Variants in IFNAR1 observed in about 807,000 individuals in gnomAD.
The protein encoded by IFNAR1 is interferon alpha/beta receptor 1.
IFNAR1 carries 47 observed loss-of-function variants against 62.1 expected under a neutral mutation model. That is an observed-to-expected ratio of 0.76 (90% CI 0.60 to 0.97). IFNAR1 has a LOEUF of 0.97. Among genes scored for constraint, IFNAR1 ranks in the 50% least tolerant of loss-of-function variants. The pLI is 0.00. For synonymous variants in IFNAR1, 219 were observed against 226.9 expected, an observed-to-expected ratio of 0.97 and a Z score of 0.31; for missense variants, 638 against 654.5, an observed-to-expected ratio of 0.97 and a Z score of 0.27.
At chr21:33,325,308 G>A (rs1054280043) in intron 1 of IFNAR1, among the ~76,000 whole-genome samples, 177 bp downstream of exon 1, 7 of 152,184 alleles carry the variant, frequency 4.6e-5, no homozygotes, top group Admixed American at 3.9e-4. Context: ...GGAGAAAGTG[G>A]TGTTCTGGGT....
At chr21:33,344,311 A>T (rs1272363855) in intron 5 of IFNAR1, among the ~76,000 whole-genome samples, 1 of 152,196 alleles carries the variant, frequency 6.6e-6, no homozygotes, top group Non-Finnish European at 1.5e-5. Context: ...TTGTTCAAGA[A>T]AGCATACCTT....
rs1421309883 is a variant in IFNAR1, at chr21:33,357,632, C to T, written c.*2083C>T. ...CCTCGCCTCCCGGGTTCAAGCAATTCTCTGCCGCAGCCTCCAGAGTAGCTG... is the reference window on the plus strand; with the variant it reads ...CCTCGCCTCCCGGGTTCAAGCAATTTTCTGCCGCAGCCTCCAGAGTAGCTG... On this transcript the variant is annotated 3_prime_UTR_variant, in exon 11 of 11. Coordinates refer to ENST00000270139, the MANE Select transcript of IFNAR1 (RefSeq NM_000629.3). The T allele has an allele frequency of 6.6e-6, 1 of 151,364 alleles. No homozygotes were observed. Among genetic ancestry groups the T allele is most frequent in the African/African-American group, 2.4e-5 (1 of 40,958 alleles). 9.4% of individuals were successfully genotyped at this position (151,364 alleles called of 1,614,324 possible).
chr21:33,341,175 G>GT lies in IFNAR1; in HGVS notation c.376+2dup. On this transcript the variant is annotated splice_donor_variant, in intron 3 of 10. Coordinates refer to ENST00000270139, the MANE Select transcript of IFNAR1 (RefSeq NM_000629.3). LOFTEE classifies it high-confidence loss of function. The stretch of plus-strand genomic sequence containing the variant: ...GACTCATTTACACCATTTCGCAAAG[G>GT]TAAGAAAAAGTTGCTAGCTGAATTA... 6.3e-7 allele frequency: 1 copy of GT among 1,599,626 alleles called. No homozygotes were observed. The highest frequency in any genetic ancestry group is 8.5e-7 in the Non-Finnish European group (1 of 1,172,358).
At chr21:33,350,850 A>G (rs759013179) in intron 8 of IFNAR1, among the ~76,000 whole-genome samples, 8 of 152,222 alleles carry the variant, frequency 5.3e-5, no homozygotes, top group South Asian at 2.1e-4. Flanking sequence ...CTAAATTTCT[A>G]TCTCACTGCT....
rs2083452118 is a variant in IFNAR1 at position 33,356,706 on chromosome 21, G to A, written c.*1157G>A. 1 of 152,208 alleles carries A rather than the reference G, an allele frequency of 6.6e-6. No homozygotes were observed. The highest frequency in any genetic ancestry group is 6.5e-5 in the Admixed American group (1 of 15,272). 9.4% of individuals were successfully genotyped at this position (152,208 alleles called of 1,614,324 possible). On this transcript the variant is annotated 3_prime_UTR_variant, in exon 11 of 11. Coordinates refer to ENST00000270139, the MANE Select transcript of IFNAR1 (RefSeq NM_000629.3). ...GTACAAGTTTTAGTATACATGCCAT[G>A]CCAGAAGATAGTGTATGCAAGAAGT... is the stretch of plus-strand genomic sequence containing the variant.
At chr21:33,354,285 T>C (rs2083427863) in intron 10 of IFNAR1, among the ~76,000 whole-genome samples, 1 of 152,228 alleles carries the variant, frequency 6.6e-6, no homozygotes, top group Non-Finnish European at 1.5e-5. Flanking sequence ...GAGGTTGCAG[T>C]GAGCCGAGGT....
chr21:33,334,732 C>T, intron 1 of IFNAR1: 1 of 796,388 alleles, frequency 1.3e-6, no homozygotes. Context: ...AAGTGATGCG[C>T]AGGGTGATCC....
Position 33,353,742 on chromosome 21 carries a change from GTCT to G in IFNAR1, c.1404_1406del (p.Phe469del), listed in dbSNP as rs748970698. ...AGTCTTCTTGAGATGCATCAATTATGTCTTCTTTCCATCACTTAAACCTTCTTC... is the reference window on the plus strand; with the variant it reads ...AGTCTTCTTGAGATGCATCAATTATGTCTTTCCATCACTTAAACCTTCTTC... On this transcript the variant is annotated inframe_deletion, in exon 10 of 11. Transcript: ENST00000270139. The G allele has an allele frequency of 7.6e-6, 12 of 1,589,360 alleles. No individual in the cohort carries two copies. In the East Asian group the frequency reaches 2.5e-4, roughly 34 times the overall value.
At position 33,349,544 on chromosome 21, in the gene IFNAR1, G is replaced by A. The variant is rs756137377; in HGVS notation, c.1143+1G>A. On this transcript the variant is annotated splice_donor_variant, in intron 8 of 10. Transcript: ENST00000270139. LOFTEE classifies it high-confidence loss of function. ...TTGGGAAAACACTTCAAATGCTGAGGTAAAAAGACTGTATAGTATAATTTT... is the reference window on the plus strand; with the variant it reads ...TTGGGAAAACACTTCAAATGCTGAGATAAAAAGACTGTATAGTATAATTTT... 15 of 1,580,378 alleles carry A rather than the reference G, an allele frequency of 9.5e-6. No individual in the cohort carries two copies. The highest frequency in any genetic ancestry group is 3.5e-5 in the Admixed American group (2 of 57,562).
intron 6 of IFNAR1, among the ~76,000 whole-genome samples, chr21:33,346,224 G>A (rs891752872): frequency 2.6e-5 from 4 of 152,186 alleles, no homozygotes; most frequent in African/African-American, 7.2e-5. Context: ...GGGTTATGGG[G>A]AGAAAAGAGA....
intron 1 of IFNAR1, among the ~76,000 whole-genome samples, chr21:33,330,632 C>T (rs1413643833): frequency 6.6e-6 from 1 of 152,078 alleles, no homozygotes; most frequent in East Asian, 1.9e-4. Context: ...ATAAGACAGC[C>T]AGAACAACAA....
chr21:33,359,251 G>A lies in IFNAR1; in HGVS notation c.*3702G>A, dbSNP rs2083477544. On this transcript the variant is annotated 3_prime_UTR_variant, in exon 11 of 11. Transcript: ENST00000270139. ...GTACATTTTATTTCACTTGTGTTTT[G>A]TCTTAAACCCTACTGCTGGAAACAA... is the stretch of plus-strand genomic sequence containing the variant. 2 of 152,108 alleles carry A rather than the reference G, an allele frequency of 1.3e-5. No homozygotes were observed. Among genetic ancestry groups the A allele is most frequent in the Admixed American group, 6.6e-5 (1 of 15,264 alleles). 9.4% of individuals were successfully genotyped at this position (152,108 alleles called of 1,614,324 possible). A position where few individuals can be genotyped will look rare whatever the true frequency, so the allele number is the denominator to read the frequency against.
chr21:33,343,786 A>C (rs2083318052), intron 5 of IFNAR1, 110 bp downstream of exon 5: 1 of 647,108 alleles, frequency 1.5e-6, no homozygotes, highest in Admixed American at 2.7e-5. Flanking sequence ...TATGTTAAAA[A>C]CATTGTAACA....
At chr21:33,332,881 C>G (rs1025997451) in intron 1 of IFNAR1, among the ~76,000 whole-genome samples, 2 of 152,100 alleles carry the variant, frequency 1.3e-5, no homozygotes, top group African/African-American at 4.8e-5. Flanking sequence ...AACAAACGTT[C>G]ATACTATGTA....
At chr21:33,336,590 T>C (rs1450933841) in intron 2 of IFNAR1, among the ~76,000 whole-genome samples, 1 of 152,130 alleles carries the variant, frequency 6.6e-6, no homozygotes, top group Non-Finnish European at 1.5e-5. Context: ...CTCCAGCTTC[T>C]TTCAATATAA....
At chr21:33,343,823 T>C in intron 5 of IFNAR1, 147 bp downstream of exon 5, 2 of 557,986 alleles carry the variant, frequency 3.6e-6, no homozygotes, top group South Asian at 6.3e-5. Flanking sequence ...AAATGTTACT[T>C]GGGATTTTTG....
intron 1 of IFNAR1, chr21:33,334,844 A>G: frequency 9.6e-7 from 1 of 1,044,748 alleles, no homozygotes; most frequent in Non-Finnish European, 1.5e-6. Context: ...CCAGGGTGAT[A>G]TCACCAGTTA....
In IFNAR1 at chr21:33,353,737, A is replaced by G. The variant is rs753328234; in HGVS notation, c.1394A>G (p.Asn465Ser). The G allele has an allele frequency of 1.9e-6, 3 of 1,590,146 alleles. No homozygotes were observed. Among genetic ancestry groups the G allele is most frequent in the African/African-American group, 2.7e-5 (2 of 73,636 alleles). The change falls in exon 10 of 11, where the codon AAT (asparagine) becomes AGT (serine). Residue 465 changes from asparagine to serine, a missense_variant. Transcript: ENST00000270139. ...YAAKVFLRCI[N>S]YVFFPSLKPS... Reference sequence around the variant, plus strand: ...GCGAAAGTCTTCTTGAGATGCATCAATTATGTCTTCTTTCCATCACTTAAA... The same window carrying G: ...GCGAAAGTCTTCTTGAGATGCATCAGTTATGTCTTCTTTCCATCACTTAAA...
intron 1 of IFNAR1, among the ~76,000 whole-genome samples, chr21:33,333,457 A>G (rs1227863071): frequency 1.3e-5 from 2 of 152,158 alleles, no homozygotes; most frequent in Non-Finnish European, 2.9e-5. Context: ...ACCTTATCAA[A>G]CCATCAAACC....
Sources: allele counts gnomAD v4.1 joint callset (sites outside exome capture counted in the v4.1 genomes callset), GRCh38; gene constraint gnomAD v4.1.1; transcripts MANE v1.5; gene names NCBI Gene and HGNC (gene_info 2026-07-23, HGNC 2026-07-21).